The following NUDT3 variants were observed in gnomAD, a reference collection of about 807,000 sequenced individuals.
NUDT3 encodes the protein diphosphoinositol polyphosphate phosphohydrolase 1.
In NUDT3, 9 loss-of-function variants were observed where a neutral mutation model predicts 23.6. The ratio of observed to expected loss-of-function variants is 0.38; its 90% CI spans 0.23 to 0.66. The LOEUF is 0.66. Ranked by LOEUF, NUDT3 falls within the 30% of genes least tolerant of loss-of-function variation. NUDT3 has a pLI of 0.52. For missense variants in NUDT3, 172 were observed against 218.5 expected (o/e 0.79, Z 1.34); for synonymous variants, 86 against 82.6 (o/e 1.04, Z -0.22).
intron 2 of NUDT3, among the ~76,000 whole-genome samples, chr6:34,330,367 T>C (rs1166299964): frequency 6.6e-6 from 1 of 152,202 alleles, no homozygotes; most frequent in Non-Finnish European, 1.5e-5. Flanking sequence ...TGGTACCTCA[T>C]TGTGGTTTTG....
At chr6:34,315,692 G>C (rs1292735038) in intron 2 of NUDT3, among the ~76,000 whole-genome samples, 1 of 152,098 alleles carries the variant, frequency 6.6e-6, no homozygotes, top group African/African-American at 2.4e-5. Context: ...CAAAAGTATA[G>C]ATTTAAACTA....
In NUDT3 at chr6:34,282,979, C is replaced by T. The variant is rs1468737297; in HGVS notation, c.*5774G>A. 3 of 152,158 alleles carry T rather than the reference C, an allele frequency of 2.0e-5. No individual in the cohort carries two copies. 9.4% of individuals were successfully genotyped at this position (152,158 alleles called of 1,614,324 possible). A position where few individuals can be genotyped will look rare whatever the true frequency, so the allele number is the denominator to read the frequency against. ...CACTTTCTTCAGCATTCTGAGTTAA[C>T]ACGGGTTCCCTATAAGCTCCCCTCC... On this transcript the variant is annotated 3_prime_UTR_variant, in exon 5 of 5. Transcript: ENST00000607016.
intron 1 of NUDT3, among the ~76,000 whole-genome samples, chr6:34,378,409 C>G (rs781252319): frequency 3.9e-5 from 6 of 152,188 alleles, no homozygotes; most frequent in Non-Finnish European, 8.8e-5. Context: ...TCTTCTGGTG[C>G]ACTGGATTAG....
intron 4 of NUDT3, among the ~76,000 whole-genome samples, chr6:34,291,383 G>C (rs1763419771): frequency 6.6e-6 from 1 of 151,954 alleles, no homozygotes. Context: ...ACTTTCAAGG[G>C]CTCCTGATTT....
chr6:34,387,536 A>C (rs1765125686), intron 1 of NUDT3, among the ~76,000 whole-genome samples: 1 of 152,146 alleles, frequency 6.6e-6, no homozygotes, highest in African/African-American at 2.4e-5. Flanking sequence ...GAATAAAGAT[A>C]TAATGAAGAA....
Position 34,392,570 on chromosome 6 carries a change from G to C in NUDT3, c.-208C>G. 1 of 357,230 alleles carries C rather than the reference G, an allele frequency of 2.8e-6. No homozygotes were observed. Among genetic ancestry groups the C allele is most frequent in the South Asian group, 8.2e-5 (1 of 12,142 alleles). The allele number at this position is 357,230 out of a possible 1,614,324, so 22.1% of individuals were successfully genotyped here. A position where few individuals can be genotyped will look rare whatever the true frequency, so the allele number is the denominator to read the frequency against. ...CCCGCGCCGCCGCTGCCACCGTCAC[G>C]GCTGCCGTCTCCGCTGCCGCCAGGG... On this transcript the variant is annotated 5_prime_UTR_variant, in exon 1 of 5. Transcript: ENST00000607016.
chr6:34,311,213 A>G (rs942193361), intron 2 of NUDT3, among the ~76,000 whole-genome samples: 1 of 152,224 alleles, frequency 6.6e-6, no homozygotes, highest in Admixed American at 6.5e-5. Context: ...TTGTGAAATT[A>G]AAACAATTAG....
chr6:34,334,571 G>A (rs1764177322), intron 2 of NUDT3, among the ~76,000 whole-genome samples: 1 of 151,926 alleles, frequency 6.6e-6, no homozygotes, highest in Non-Finnish European at 1.5e-5. Flanking sequence ...CCCAGGAGGC[G>A]GAGGTTGCAG....
chr6:34,325,365 T>C (rs577005625), intron 2 of NUDT3, among the ~76,000 whole-genome samples: 6 of 152,240 alleles, frequency 3.9e-5, no homozygotes, highest in Non-Finnish European at 8.8e-5. Context: ...CAAGCCACCA[T>C]GTCTGGTTCC....
chr6:34,392,217 G>A (rs957530235), intron 1 of NUDT3, 47 bp downstream of exon 1: 12 of 1,477,532 alleles, frequency 8.1e-6, no homozygotes, highest in Non-Finnish European at 1.0e-5. Flanking sequence ...TCCACCCGAA[G>A]GGGCCGGAGA....
chr6:34,326,903 A>G (rs1764040233), intron 2 of NUDT3, among the ~76,000 whole-genome samples: 1 of 152,058 alleles, frequency 6.6e-6, no homozygotes, highest in Admixed American at 6.6e-5. Context: ...GTCCCGCCCT[A>G]CGGGGCTTGA....
At chr6:34,313,716 A>G (rs1283244976) in intron 2 of NUDT3, among the ~76,000 whole-genome samples, 1 of 152,108 alleles carries the variant, frequency 6.6e-6, no homozygotes, top group East Asian at 1.9e-4. Flanking sequence ...TAATTCCAAC[A>G]CTTTGGGAGG....
At chr6:34,327,679 C>G (rs895721590) in intron 2 of NUDT3, among the ~76,000 whole-genome samples, 1 of 152,148 alleles carries the variant, frequency 6.6e-6, no homozygotes, top group Non-Finnish European at 1.5e-5. Context: ...CACAGCACTA[C>G]AGAGAGGGGT....
intron 1 of NUDT3, among the ~76,000 whole-genome samples, chr6:34,389,825 G>T (rs1159460790): frequency 6.6e-6 from 1 of 152,104 alleles, no homozygotes; most frequent in Non-Finnish European, 1.5e-5. Flanking sequence ...TTAGCCAGAC[G>T]TGGTCGCGGG....
chr6:34,327,504 T>C (rs1044134969), intron 2 of NUDT3, among the ~76,000 whole-genome samples: 2 of 139,318 alleles, frequency 1.4e-5, no homozygotes, highest in African/African-American at 5.4e-5. Flanking sequence ...CACTCCAGCC[T>C]AGCAATAGGG....
rs142947374 is a variant in NUDT3 at position 34,392,354 on chromosome 6, C to T, written c.9G>A (p.Lys3=). MM[K]LKSNQTRTYD... ...AGGTGCGGGTCTGGTTCGACTTGAG[C>T]TTCATCATCCTCCGGGCCCGGGTGG... Residue 3 remains lysine (K), a synonymous_variant, in exon 1 of 5, where the codon AAG becomes AAA. Coordinates refer to ENST00000607016, the MANE Select transcript of NUDT3 (RefSeq NM_006703.4). 4.8e-5 allele frequency: 77 copies of T among 1,602,408 alleles called. No individual in the cohort carries two copies. The African/African-American group carries it at 7.9e-4, about 16-fold the overall frequency.
At chr6:34,357,474 T>C (rs1302710938) in intron 1 of NUDT3, among the ~76,000 whole-genome samples, 1 of 151,836 alleles carries the variant, frequency 6.6e-6, no homozygotes, top group Non-Finnish European at 1.5e-5. Flanking sequence ...TAGCGGGGCA[T>C]GGTAGTGAGC....
intron 2 of NUDT3, among the ~76,000 whole-genome samples, chr6:34,299,633 T>G (rs1339976989): frequency 6.7e-6 from 1 of 148,634 alleles, no homozygotes; most frequent in Admixed American, 6.8e-5. Context: ...AGTCCAGGTG[T>G]GGTGACTCAC....
chr6:34,378,736 C>T (rs557129839), intron 1 of NUDT3, among the ~76,000 whole-genome samples: 1 of 152,314 alleles, frequency 6.6e-6, no homozygotes, highest in Non-Finnish European at 1.5e-5. Flanking sequence ...AGTCCCGCAT[C>T]CACATGGCCA....
Sources: gnomAD v4.1 joint callset for allele counts (sites outside exome capture counted in the v4.1 genomes callset) on GRCh38, gnomAD v4.1.1 for gene constraint, MANE v1.5 for transcripts, NCBI Gene and HGNC (gene_info 2026-07-23, HGNC 2026-07-21) for gene names.